The following INSL6 variants were observed in gnomAD, a reference collection of about 807,000 sequenced individuals.
INSL6 encodes the protein insulin like 6.
Under a neutral mutation model 9.4 loss-of-function variants are expected in INSL6, and 16 were observed. The observed-to-expected ratio is 1.70, with a 90% CI of 1.15 to 2.59. The LOEUF (loss-of-function observed/expected upper bound fraction) is 2.59. Ranked by LOEUF, INSL6 falls within the 30% of genes most tolerant of loss-of-function variation. The pLI, the probability that INSL6 is intolerant of heterozygous loss-of-function variation, is 0.00. For missense variants in INSL6, 391 were observed against 257.3 expected, an observed-to-expected ratio of 1.52 and a Z score of -3.56; for synonymous variants, 154 against 96.9, an observed-to-expected ratio of 1.59 and a Z score of -3.46.
At chr9:5,151,515 G>T (rs1021402257) in intron 2 of INSL6, among the ~76,000 whole-genome samples, 1 of 151,990 alleles carries the variant, frequency 6.6e-6, no homozygotes, top group African/African-American at 2.4e-5. Flanking sequence ...CGGGGGGTGG[G>T]GATGGAAAGA....
the INSL6 span, among the ~76,000 whole-genome samples, chr9:5,053,222 C>T: frequency 6.6e-6 from 1 of 152,170 alleles, no homozygotes; most frequent in Admixed American, 6.5e-5. Context: ...TCTCTAATGA[C>T]TACTGATGTT....
chr9:5,181,505 T>A (rs1825453812), intron 1 of INSL6, among the ~76,000 whole-genome samples: 1 of 151,892 alleles, frequency 6.6e-6, no homozygotes. Context: ...AGACCAGAAC[T>A]AAAAATTAGC....
intron 2 of INSL6, among the ~76,000 whole-genome samples, chr9:5,149,352 T>C (rs749912637): frequency 6.6e-6 from 1 of 152,214 alleles, no homozygotes; most frequent in Non-Finnish European, 1.5e-5. Flanking sequence ...TTTGTTGGTG[T>C]AGTCTCTGTG....
At chr9:5,144,658 T>A (rs1198933247) in intron 2 of INSL6, among the ~76,000 whole-genome samples, 1 of 152,232 alleles carries the variant, frequency 6.6e-6, no homozygotes, top group Admixed American at 6.5e-5. Context: ...AGGGTGTTCC[T>A]GTGTTGGGTG....
chr9:5,104,889 G>A, the INSL6 span, among the ~76,000 whole-genome samples: 1 of 152,128 alleles, frequency 6.6e-6, no homozygotes, highest in Non-Finnish European at 1.5e-5. Context: ...CAATAAACTA[G>A]GTATTGATGG....
chr9:5,038,516 A>G, the INSL6 span, among the ~76,000 whole-genome samples: 41 of 152,222 alleles, frequency 2.7e-4, no homozygotes, highest in Admixed American at 1.2e-3. Flanking sequence ...TCAACAAAAT[A>G]CTTGCAAACC....
At chr9:5,153,262 C>G (rs1006293172) in intron 2 of INSL6, among the ~76,000 whole-genome samples, 2 of 152,158 alleles carry the variant, frequency 1.3e-5, no homozygotes, top group Non-Finnish European at 2.9e-5. Context: ...GTCCCACCCC[C>G]ACGGAGCCCA....
At chr9:5,153,969 C>T (rs560245524) in intron 2 of INSL6, among the ~76,000 whole-genome samples, 1 of 152,316 alleles carries the variant, frequency 6.6e-6, no homozygotes, top group South Asian at 2.1e-4. Context: ...TTGGAAAAAA[C>T]TACTTTAAAT....
chr9:5,081,994 T>C, the INSL6 span: 2 of 723,398 alleles, frequency 2.8e-6, no homozygotes, highest in Admixed American at 2.7e-5. Context: ...TTGTCAGATG[T>C]TGGAGAAATG....
At chr9:5,068,980 T>C in the INSL6 span, 4 of 1,149,452 alleles carry the variant, frequency 3.5e-6, no homozygotes, top group Non-Finnish European at 5.0e-6. Context: ...GTGATGTCCA[T>C]TGTGACTATC....
At chr9:5,174,402 G>T (rs1825252480) in intron 1 of INSL6, among the ~76,000 whole-genome samples, 1 of 152,066 alleles carries the variant, frequency 6.6e-6, no homozygotes. Context: ...CAAACATATT[G>T]CTAAATTCAA....
At chr9:5,095,095 A>C in the INSL6 span, 37,497 of 152,038 alleles carry the variant, frequency 0.25, 5,026 homozygotes, top group South Asian at 0.3. Flanking sequence ...CTGGAACTAT[A>C]GGAATTGAAC....
the INSL6 span, chr9:5,073,846 A>G: frequency 8.9e-7 from 1 of 1,124,622 alleles, no homozygotes; most frequent in Non-Finnish European, 1.3e-6. Flanking sequence ...GTTTATATAG[A>G]AAATTCAGTT....
the INSL6 span, chr9:5,041,747 C>G: frequency 2.0e-6 from 1 of 491,562 alleles, no homozygotes; most frequent in Admixed American, 2.3e-5. Flanking sequence ...CGACCCCCAT[C>G]AGCAGTGTCC....
chr9:5,030,025 CA>C, the INSL6 span: 1 of 748,506 alleles, frequency 1.3e-6, no homozygotes, highest in Non-Finnish European at 2.1e-6. Context: ...AGTTAGCACT[CA>C]TTTAAGATTT....
the INSL6 span, among the ~76,000 whole-genome samples, chr9:5,010,688 A>G: frequency 9.9e-5 from 15 of 152,148 alleles, no homozygotes; most frequent in African/African-American, 2.9e-4. Context: ...CATATTTACT[A>G]TTTTTGAGCT....
At chr9:5,123,091 A>G (rs889970220), downstream of INSL6, 1 of 1,609,612 alleles carries the variant, frequency 6.2e-7, no homozygotes, top group Non-Finnish European at 8.5e-7. Context: ...AACTTTTCAC[A>G]TACATTGAGA....
At chr9:5,121,493 C>T (rs1564025711), downstream of INSL6, among the ~76,000 whole-genome samples, 1 of 152,214 alleles carries the variant, frequency 6.6e-6, no homozygotes, top group East Asian at 1.9e-4. Context: ...AGTTTTGCAG[C>T]TTGGAAGGAG....
chr9:5,167,480 G>C (rs868490484), intron 1 of INSL6, among the ~76,000 whole-genome samples: 4 of 152,222 alleles, frequency 2.6e-5, no homozygotes, highest in African/African-American at 7.2e-5. Context: ...CCACAGCACA[G>C]CACAGCGGCT....
Sources: gnomAD v4.1 joint callset for allele counts (sites outside exome capture counted in the v4.1 genomes callset) on GRCh38, gnomAD v4.1.1 for gene constraint, MANE v1.5 for transcripts, NCBI Gene and HGNC (gene_info 2026-07-23, HGNC 2026-07-21) for gene names.